Variants in RANBP9 observed in about 807,000 individuals in gnomAD.
RANBP9 encodes RAN binding protein 9.
In RANBP9, 15 loss-of-function variants were observed where a neutral mutation model predicts 84.3. The observed-to-expected ratio is 0.18, with a 90% CI of 0.12 to 0.27. The LOEUF (loss-of-function observed/expected upper bound fraction) is 0.27, where lower values mean the gene tolerates loss of function less well. Ranked by LOEUF, RANBP9 falls within the 10% of genes least tolerant of loss-of-function variation. The pLI is 1.00. For synonymous variants in RANBP9, 392 were observed against 349.6 expected (o/e 1.12, Z -1.35); for missense variants, 809 against 912.8 (o/e 0.89, Z 1.46).
intron 1 of RANBP9, among the ~76,000 whole-genome samples, chr6:13,709,571 T>TA (rs1758221304): frequency 6.6e-6 from 1 of 152,196 alleles, no homozygotes; most frequent in African/African-American, 2.4e-5. Flanking sequence ...CAAAAGGTCC[T>TA]AACTTGAGAA....
At chr6:13,623,314 A>G (rs1764508211) in intron 13 of RANBP9, among the ~76,000 whole-genome samples, 1 of 152,230 alleles carries the variant, frequency 6.6e-6, no homozygotes, top group Non-Finnish European at 1.5e-5. Flanking sequence ...CACAGTTGAC[A>G]ACAAAGGGCA....
At chr6:13,649,626 TC>T (rs1361912264) in intron 5 of RANBP9, among the ~76,000 whole-genome samples, 1 of 152,070 alleles carries the variant, frequency 6.6e-6, no homozygotes, top group Non-Finnish European at 1.5e-5. Flanking sequence ...CAAAAGCCCA[TC>T]CCCTCAATTA....
In RANBP9 at chr6:13,659,257, T is replaced by TACACACACAC. The variant is rs60255234; in HGVS notation, c.684-435_684-426dup. On this transcript the variant is annotated intron_variant, in intron 2 of 13. Transcript: ENST00000011619. ...AATTTAGACCCCACACACACACACA[T>TACACACACAC]ACACACACACACACACACACACACA... Among the ~76,000 whole-genome samples the TACACACACAC allele has an allele frequency of 2.7e-3, 354 of 130,664 alleles. 1 individual carries two copies. Among genetic ancestry groups the TACACACACAC allele is most frequent in the African/African-American group, 9.5e-3 (335 of 35,386 alleles). 85.7% of individuals were successfully genotyped at this position (130,664 alleles called of 152,430 possible). A position where few individuals can be genotyped will look rare whatever the true frequency, so the allele number is the denominator to read the frequency against.
intron 6 of RANBP9, 127 bp downstream of exon 6, chr6:13,644,418 C>T (rs1258894570): frequency 2.2e-6 from 2 of 889,208 alleles, no homozygotes; most frequent in African/African-American, 3.6e-5. Flanking sequence ...AGATTAAAAT[C>T]AATAATATAA....
At chr6:13,688,741 C>A (rs1039042416) in intron 2 of RANBP9, among the ~76,000 whole-genome samples, 1 of 151,864 alleles carries the variant, frequency 6.6e-6, no homozygotes, top group African/African-American at 2.4e-5. Context: ...CAACCTAACT[C>A]CTAGCCCTAG....
At chr6:13,629,754 T>C (rs938256558) in intron 12 of RANBP9, among the ~76,000 whole-genome samples, 2 of 152,176 alleles carry the variant, frequency 1.3e-5, no homozygotes, top group South Asian at 2.1e-4. Flanking sequence ...CTGGAAGACG[T>C]AGGCAGATAA....
intron 2 of RANBP9, among the ~76,000 whole-genome samples, chr6:13,676,298 AT>A (rs1765884703): frequency 6.6e-6 from 1 of 152,120 alleles, no homozygotes; most frequent in Admixed American, 6.5e-5. Flanking sequence ...TCAGAAAAAA[AT>A]AATAGTAACA....
intron 8 of RANBP9, among the ~76,000 whole-genome samples, chr6:13,640,509 G>A (rs1329861802): frequency 6.6e-6 from 1 of 152,160 alleles, no homozygotes; most frequent in Non-Finnish European, 1.5e-5. Context: ...CAAACTTTAA[G>A]TGTCCATCAG....
At chr6:13,702,391 ACT>A (rs1018224521) in intron 1 of RANBP9, among the ~76,000 whole-genome samples, 1 of 152,122 alleles carries the variant, frequency 6.6e-6, no homozygotes, top group African/African-American at 2.4e-5. Context: ...ACAAAGCGAG[ACT>A]CTGTTCAAGA....
chr6:13,663,080 CATTA>C (rs1164584374), intron 2 of RANBP9, among the ~76,000 whole-genome samples: 2 of 151,830 alleles, frequency 1.3e-5, no homozygotes, highest in African/African-American at 2.4e-5. Flanking sequence ...GCTCAGCAAA[CATTA>C]ATTAAATAAA....
At chr6:13,648,141 G>GT (rs375219477) in intron 5 of RANBP9, among the ~76,000 whole-genome samples, 6,429 of 80,622 alleles carry the variant, frequency 0.08, 1,304 homozygotes, top group East Asian at 0.13. Flanking sequence ...TATATGACTG[G>GT]TTTTTTTTTT....
chr6:13,642,567 G>A lies in RANBP9; in HGVS notation c.1137C>T (p.His379=), dbSNP rs1438212042. Reference sequence around the variant, plus strand: ...CCTCTGCTGTGGCACAGTACCCATGGTGGACTAAATAAGATGAAACCATTC... The same window carrying A: ...CCTCTGCTGTGGCACAGTACCCATGATGGACTAAATAAGATGAAACCATTC... ...IQKMVSSYLV[H]HGYCATAEAF... The change falls in exon 7 of 14, where the codon CAC becomes CAT. Residue 379 remains histidine (H), a synonymous_variant. Coordinates refer to ENST00000011619, the MANE Select transcript of RANBP9 (RefSeq NM_005493.3). The A allele has an allele frequency of 5.6e-6, 9 of 1,609,250 alleles. No individual in the cohort carries two copies. The highest frequency in any genetic ancestry group is 1.1e-5 in the South Asian group (1 of 90,808).
chr6:13,675,044 C>A (rs1315510238), intron 2 of RANBP9, among the ~76,000 whole-genome samples: 1 of 152,184 alleles, frequency 6.6e-6, no homozygotes, highest in African/African-American at 2.4e-5. Context: ...CTACGAGAAG[C>A]AGCAGTTAAC....
In RANBP9 at chr6:13,630,062, A is replaced by T. The variant is rs11962840; in HGVS notation, c.1947+2308T>A. ...TGAAGTGACAAAAAGAAGTGGAATG[A>T]TTTCTAAACCTGTTTTCTCTTCATG... is the stretch of plus-strand genomic sequence containing the variant. On this transcript the variant is annotated intron_variant, in intron 12 of 13. Transcript: ENST00000011619. Among the ~76,000 whole-genome samples the T allele has an allele frequency of 6.1e-3, 927 of 152,236 alleles. 4 individuals carry two copies. The highest frequency in any genetic ancestry group is 0.021 in the African/African-American group (863 of 41,532).
At position 13,711,435 on chromosome 6, in the gene RANBP9, G is replaced by A; in HGVS notation, c.71C>T (p.Pro24Leu). Reference sequence around the variant, plus strand: ...TCCGGAGACTGGGGCCAAGGCCGCCGGCGGTGGCGGCGACAGCTGCTGCTG... The same window carrying A: ...TCCGGAGACTGGGGCCAAGGCCGCCAGCGGTGGCGGCGACAGCTGCTGCTG... ...QQQQQLSPPP[P>L]AALAPVSGVV... The change falls in exon 1 of 14, where the codon CCG becomes CTG. Residue 24 changes from proline to leucine, a missense_variant. Pro to Leu is a moderately conservative substitution (Grantham distance 98). This residue lies in a region of RANBP9 where 302 missense variants were observed against 240.1 expected (regional missense o/e 1.26). Coordinates refer to ENST00000011619, the MANE Select transcript of RANBP9 (RefSeq NM_005493.3). 1.7e-6 allele frequency: 2 copies of A among 1,199,158 alleles called. No individual in the cohort carries two copies. Among genetic ancestry groups the A allele is most frequent in the South Asian group, 8.1e-5 (2 of 24,786 alleles). The allele number at this position is 1,199,158 out of a possible 1,614,324, so 74.3% of individuals were successfully genotyped here.
At chr6:13,625,604 A>C (rs371260005) in intron 13 of RANBP9, 49 bp downstream of exon 13, 37 of 1,387,218 alleles carry the variant, frequency 2.7e-5, no homozygotes, top group Middle Eastern at 1.8e-4. Flanking sequence ...CCCTCTCTTA[A>C]ATTTTCAGAG....
chr6:13,705,827 C>A (rs1005965870), intron 1 of RANBP9, among the ~76,000 whole-genome samples: 3 of 143,794 alleles, frequency 2.1e-5, no homozygotes, highest in Non-Finnish European at 4.5e-5. Flanking sequence ...CGCGCCACTG[C>A]CCTGCAGCCT....
chr6:13,649,669 G>A (rs183361708), intron 5 of RANBP9, among the ~76,000 whole-genome samples: 17 of 151,948 alleles, frequency 1.1e-4, no homozygotes, highest in East Asian at 1.9e-4. Context: ...ATGCGACACC[G>A]ACATTTTCAT....
intron 2 of RANBP9, among the ~76,000 whole-genome samples, chr6:13,664,341 T>C (rs1765599934): frequency 6.6e-6 from 1 of 152,126 alleles, no homozygotes; most frequent in South Asian, 2.1e-4. Flanking sequence ...TTGGGAAATC[T>C]TAAAAGACGT....
Sources: gnomAD v4.1 joint callset for allele counts (sites outside exome capture counted in the v4.1 genomes callset) on GRCh38, gnomAD v4.1.1 for gene constraint, gnomAD v4.1.1 regional missense constraint, MANE v1.5 for transcripts, NCBI Gene and HGNC (gene_info 2026-07-23, HGNC 2026-07-21) for gene names.